AHCTF1: variants seen among roughly 807,000 people sequenced by gnomAD.
AHCTF1 encodes protein ELYS.
Under a neutral mutation model 248.4 loss-of-function variants are expected in AHCTF1, and 24 were observed. The observed-to-expected ratio is 0.10, with a 90% CI of 0.07 to 0.14. AHCTF1 has a LOEUF of 0.14. Ranked by LOEUF, AHCTF1 falls within the 10% of genes least tolerant of loss-of-function variation. The probability of loss-of-function intolerance (pLI) is 1.00; values close to 1 mark genes in which losing one functional copy is unlikely to be tolerated. For synonymous variants in AHCTF1, 786 were observed against 929.8 expected (o/e 0.85, Z 2.81); for missense variants, 2,206 against 2,636.2 (o/e 0.84, Z 3.57).
intron 25 of AHCTF1, among the ~76,000 whole-genome samples, 153 bp downstream of exon 25, chr1:246,867,508 A>T (rs1662070062): frequency 6.6e-6 from 1 of 152,226 alleles, no homozygotes. Context: ...GGTTTTTAAA[A>T]ATTCTTCTCA....
At chr1:246,894,793 C>A in intron 13 of AHCTF1, 45 bp from the exon 14 acceptor site, 1 of 1,517,160 alleles carries the variant, frequency 6.6e-7, no homozygotes, top group Non-Finnish European at 9.1e-7. Context: ...TTATTAATTA[C>A]AAACAGAGTT....
intron 35 of AHCTF1, among the ~76,000 whole-genome samples, chr1:246,841,927 T>C (rs11576429): frequency 0.23 from 35,336 of 150,734 alleles, 4,357 homozygotes; most frequent in Admixed American, 0.29. Context: ...TAGCTGGGAC[T>C]ACAGGCACCC....
chr1:246,862,212 G>C (rs928197504), intron 27 of AHCTF1, 59 bp from the exon 28 acceptor site: 2 of 1,362,534 alleles, frequency 1.5e-6, no homozygotes, highest in South Asian at 2.9e-5. Flanking sequence ...CGGGCGCGGT[G>C]GCTCACGCCT....
At chr1:246,888,919 G>C (rs1258787554) in intron 17 of AHCTF1, among the ~76,000 whole-genome samples, 1 of 152,082 alleles carries the variant, frequency 6.6e-6, no homozygotes, top group South Asian at 2.1e-4. Context: ...AGAGAGAGGA[G>C]AGAATTGGGA....
chr1:246,912,384 G>A (rs903846801), intron 4 of AHCTF1, among the ~76,000 whole-genome samples: 2 of 151,706 alleles, frequency 1.3e-5, no homozygotes, highest in African/African-American at 4.8e-5. Flanking sequence ...TCAGGAGGCT[G>A]AGGCAGGAGA....
chr1:246,912,078 T>C (rs997335884), intron 4 of AHCTF1, among the ~76,000 whole-genome samples: 3 of 152,154 alleles, frequency 2.0e-5, no homozygotes, highest in African/African-American at 7.2e-5. Flanking sequence ...ACAATTTTTA[T>C]TAGTTATGTT....
intron 21 of AHCTF1, among the ~76,000 whole-genome samples, chr1:246,877,996 A>G (rs954300137): frequency 1.3e-5 from 2 of 151,994 alleles, no homozygotes; most frequent in African/African-American, 4.8e-5. Flanking sequence ...TCACTTGAGC[A>G]TATCTATAAA....
intron 24 of AHCTF1, among the ~76,000 whole-genome samples, chr1:246,873,504 T>G (rs897991572): frequency 1.3e-5 from 2 of 152,088 alleles, no homozygotes; most frequent in East Asian, 1.9e-4. Context: ...GACAATACAC[T>G]AGTCAATTTC....
At position 246,849,875 on chromosome 1, in the gene AHCTF1, G is replaced by C; in HGVS notation, c.6131C>G (p.Ser2044Cys). 8 of 1,613,802 alleles carry C rather than the reference G, an allele frequency of 5.0e-6. No individual in the cohort carries two copies. The highest frequency in any genetic ancestry group is 6.8e-6 in the Non-Finnish European group (8 of 1,179,832). Residue 2044 changes from serine (S) to cysteine (C), a missense_variant, in exon 33 of 36, where the codon TCT becomes TGT. Ser to Cys is a moderately radical substitution (Grantham distance 112). This residue lies in a region of AHCTF1 where 469 missense variants were observed against 470.0 expected (regional missense o/e 1.00). Coordinates refer to ENST00000648844, the MANE Select transcript of AHCTF1 (RefSeq NM_001323342.2). ...PNEELSMVMSSKKKLTKKTES... is the reference protein window; with the variant it reads ...PNEELSMVMSCKKKLTKKTES... ...AGTCTTTTTTGTAAGTTTTTTCTTA[G>C]AGCTCATCACCATCGAAAGTTCCTC... is the stretch of plus-strand genomic sequence containing the variant.
intron 8 of AHCTF1, among the ~76,000 whole-genome samples, chr1:246,901,974 G>C (rs968863965): frequency 1.3e-5 from 2 of 152,282 alleles, no homozygotes; most frequent in South Asian, 4.1e-4. Context: ...GGGTAAGTTC[G>C]CTGTGTGATT....
chr1:246,915,577 G>C (rs1666087780), intron 3 of AHCTF1, among the ~76,000 whole-genome samples: 1 of 151,966 alleles, frequency 6.6e-6, no homozygotes, highest in African/African-American at 2.4e-5. Flanking sequence ...TGTTCCAAGT[G>C]CTTAAATTTA....
chr1:246,876,472 T>C (rs1662974154), intron 23 of AHCTF1, among the ~76,000 whole-genome samples: 1 of 152,184 alleles, frequency 6.6e-6, no homozygotes, highest in African/African-American at 2.4e-5. Context: ...TTCACACACA[T>C]CTCTGTGCAT....
intron 21 of AHCTF1, among the ~76,000 whole-genome samples, chr1:246,878,204 C>T (rs1663116181): frequency 6.6e-6 from 1 of 151,666 alleles, no homozygotes; most frequent in Non-Finnish European, 1.5e-5. Flanking sequence ...TCAAGACCAA[C>T]CTGGGCAACG....
rs111836067 is a variant in AHCTF1, at chr1:246,844,461, T to C, written c.6392-533A>G. On this transcript the variant is annotated intron_variant, in intron 33 of 35. Coordinates refer to ENST00000648844, the MANE Select transcript of AHCTF1 (RefSeq NM_001323342.2). Reference sequence around the variant, plus strand: ...AAGTGCCAGGTGCAGTGGCTCACAATTGTAATTCCAGCACTTTGGGAGGCT... The same window carrying C: ...AAGTGCCAGGTGCAGTGGCTCACAACTGTAATTCCAGCACTTTGGGAGGCT... Among the ~76,000 whole-genome samples, 859 of 152,272 alleles carry C rather than the reference T, an allele frequency of 5.6e-3. 4 individuals are homozygous for C. The highest frequency in any genetic ancestry group is 0.019 in the African/African-American group (810 of 41,586).
chr1:246,844,044 C>T (rs963532327), intron 33 of AHCTF1, 116 bp from the exon 34 acceptor site: 2 of 712,726 alleles, frequency 2.8e-6, no homozygotes, highest in African/African-American at 3.7e-5. Context: ...GTCCCCAAAC[C>T]TGGAAACCAT....
intron 24 of AHCTF1, among the ~76,000 whole-genome samples, chr1:246,874,228 A>C (rs1009913200): frequency 6.6e-6 from 1 of 152,180 alleles, no homozygotes; most frequent in Non-Finnish European, 1.5e-5. Flanking sequence ...GACTAAAGAG[A>C]CTGAGACCAT....
intron 26 of AHCTF1, among the ~76,000 whole-genome samples, chr1:246,864,490 T>A (rs527946192): frequency 6.6e-6 from 1 of 152,198 alleles, no homozygotes; most frequent in African/African-American, 2.4e-5. Flanking sequence ...TTACTAAAAT[T>A]CATTAACATG....
Position 246,862,479 on chromosome 1 carries a change from C to CA in AHCTF1, c.3541-327dup, listed in dbSNP as rs748209865. 3.3e-3 allele frequency among the ~76,000 whole-genome samples: 387 copies of CA among 115,708 alleles called. 1 individual carries two copies. Among genetic ancestry groups the CA allele is most frequent in the Non-Finnish European group, 4.1e-3 (222 of 54,204 alleles). The allele number at this position is 115,708 out of a possible 152,430, so 75.9% of individuals were successfully genotyped here. On this transcript the variant is annotated intron_variant, in intron 27 of 35. Coordinates refer to ENST00000648844, the MANE Select transcript of AHCTF1 (RefSeq NM_001323342.2). The stretch of plus-strand genomic sequence containing the variant: ...TGGGCGACAGAGCAAGACTCCGTCT[C>CA]AAAAAAAAAAAAAAGTGCTTATATA...
intron 1 of AHCTF1, among the ~76,000 whole-genome samples, chr1:246,930,439 T>A (rs1667264459): frequency 6.6e-6 from 1 of 152,136 alleles, no homozygotes; most frequent in African/African-American, 2.4e-5. Flanking sequence ...AGACTTCCCA[T>A]AGCGCTTGGC....
Sources: allele counts gnomAD v4.1 joint callset (sites outside exome capture counted in the v4.1 genomes callset), GRCh38; gene constraint gnomAD v4.1.1; regional missense constraint gnomAD v4.1.1; transcripts MANE v1.5; gene names NCBI Gene and HGNC (gene_info 2026-07-23, HGNC 2026-07-21).